Variants in KANK4 observed in about 807,000 individuals in gnomAD.
KANK4 encodes the protein KN motif and ankyrin repeat domain-containing protein 4.
KANK4 carries 50 observed loss-of-function variants against 80.8 expected under a neutral mutation model. The ratio of observed to expected loss-of-function variants is 0.62; its 90% confidence interval spans 0.49 to 0.78. The LOEUF (loss-of-function observed/expected upper bound fraction) is 0.78. KANK4 is among the 30% of genes least tolerant of loss of function. The pLI is 0.00. For missense variants in KANK4, 1,196 were observed against 1,240.1 expected, an observed-to-expected ratio of 0.96 and a Z score of 0.53; for synonymous variants, 465 against 506.9, an observed-to-expected ratio of 0.92 and a Z score of 1.11.
chr1:62,265,639 C>T (rs767969578), intron 6 of KANK4, among the ~76,000 whole-genome samples: 10 of 152,276 alleles, frequency 6.6e-5, no homozygotes, highest in Non-Finnish European at 1.3e-4. Context: ...ATGAATTGAT[C>T]GTTTTTACTT....
At chr1:62,308,237 G>A (rs974887121) in intron 1 of KANK4, among the ~76,000 whole-genome samples, 4 of 152,166 alleles carry the variant, frequency 2.6e-5, no homozygotes, top group Non-Finnish European at 5.9e-5. Context: ...CAGTGGGGAC[G>A]CACCTTCCCC....
At chr1:62,248,548 T>G (rs1435889653) in intron 8 of KANK4, among the ~76,000 whole-genome samples, 1 of 17,834 alleles carries the variant, frequency 5.6e-5, no homozygotes, top group Non-Finnish European at 1.0e-4. Flanking sequence ...AGTTTTTTTG[T>G]TTTTTTTTTT....
At chr1:62,286,223 T>C (rs1371893346) in intron 1 of KANK4, among the ~76,000 whole-genome samples, 1 of 152,234 alleles carries the variant, frequency 6.6e-6, no homozygotes, top group East Asian at 1.9e-4. Flanking sequence ...TCCTGCTGCA[T>C]AGCCCACAGC....
chr1:62,260,638 A>C (rs74076425), intron 7 of KANK4, among the ~76,000 whole-genome samples: 2,184 of 152,086 alleles, frequency 0.014, 47 homozygotes, highest in African/African-American at 0.05. Flanking sequence ...CATGCCCCTA[A>C]AGCAGCTGTC....
intron 1 of KANK4, among the ~76,000 whole-genome samples, chr1:62,313,206 A>T (rs1644511714): frequency 6.6e-6 from 1 of 152,222 alleles, no homozygotes; most frequent in Non-Finnish European, 1.5e-5. Flanking sequence ...GCATAGGAAA[A>T]AGCATAGTAT....
rs1571003369 is a variant in KANK4 at position 62,273,838 on chromosome 1, G to A, written c.1266C>T (p.Leu422=). 1 of 1,614,190 alleles carries A rather than the reference G, an allele frequency of 6.2e-7. No homozygotes were observed. The highest frequency in any genetic ancestry group is 8.5e-7 in the Non-Finnish European group (1 of 1,180,028). ...CCTTATCACACGACTCCCTGGTCAA[G>A]AGTCCATGGACAGGGTCAGTGTTCA... ...VMVNTDPVHG[L]LTRESCDKGI... Residue 422 remains leucine (L), a synonymous_variant, in exon 3 of 10, where the codon CTC becomes CTT. Transcript: ENST00000371153.
In KANK4 at chr1:62,251,320, T is replaced by C. The variant is rs139568725; in HGVS notation, c.2682+1747A>G. 6.8e-3 allele frequency among the ~76,000 whole-genome samples: 1,030 copies of C among 152,290 alleles called. 5 individuals carry two copies. Among genetic ancestry groups the C allele is most frequent in the Non-Finnish European group, 9.6e-3 (652 of 68,024 alleles). The stretch of plus-strand genomic sequence containing the variant: ...CTTTGTCTCGGGCACAGAAGTCTCA[T>C]GTCTTCTGCCAGCATCCACAAAACT... On this transcript the variant is annotated intron_variant, in intron 8 of 9. Transcript: ENST00000371153.
At chr1:62,269,996 G>T (rs747401719) in intron 4 of KANK4, among the ~76,000 whole-genome samples, 1 of 152,168 alleles carries the variant, frequency 6.6e-6, no homozygotes, top group Non-Finnish European at 1.5e-5. Flanking sequence ...TGTTTCCAGC[G>T]TGCAACCAAG....
chr1:62,279,239 CACAG>C (rs1417145071), intron 2 of KANK4, among the ~76,000 whole-genome samples: 4,837 of 76,810 alleles, frequency 0.063, 121 homozygotes, highest in African/African-American at 0.097. Flanking sequence ...CACACACACA[CACAG>C]AGTGATCCAT....
At chr1:62,295,976 C>G (rs1644360020) in intron 1 of KANK4, among the ~76,000 whole-genome samples, 1 of 152,126 alleles carries the variant, frequency 6.6e-6, no homozygotes, top group Admixed American at 6.5e-5. Flanking sequence ...GTCCTTTACC[C>G]ATCCTTACTC....
chr1:62,240,154 C>G (rs1671304247), intron 9 of KANK4, among the ~76,000 whole-genome samples: 2 of 152,246 alleles, frequency 1.3e-5, no homozygotes, highest in South Asian at 4.1e-4. Flanking sequence ...GTTCTTATTT[C>G]TCCACATCCT....
chr1:62,287,033 G>C (rs1427702292), intron 1 of KANK4, among the ~76,000 whole-genome samples: 5 of 152,234 alleles, frequency 3.3e-5, no homozygotes, highest in Non-Finnish European at 5.9e-5. Context: ...GCGCAGACCA[G>C]AGACTCCGAG....
intron 1 of KANK4, among the ~76,000 whole-genome samples, chr1:62,303,383 C>T (rs965250875): frequency 3.9e-5 from 6 of 151,996 alleles, no homozygotes; most frequent in East Asian, 1.9e-4. Context: ...GTATTTTCAA[C>T]ATCATGTCAT....
chr1:62,266,166 G>A (rs1434538817), intron 6 of KANK4, among the ~76,000 whole-genome samples: 1 of 152,178 alleles, frequency 6.6e-6, no homozygotes, highest in Non-Finnish European at 1.5e-5. Context: ...CATGGGAAGC[G>A]CCTCTGAGCC....
chr1:62,279,486 T>C (rs923239252), intron 2 of KANK4, among the ~76,000 whole-genome samples: 3 of 152,174 alleles, frequency 2.0e-5, no homozygotes, highest in African/African-American at 7.2e-5. Context: ...CAAAATGAAA[T>C]TCAGATCAAA....
Position 62,273,603 on chromosome 1 carries a change from T to A in KANK4, c.1501A>T (p.Ile501Phe). 1 of 1,614,114 alleles carries A rather than the reference T, an allele frequency of 6.2e-7. No individual in the cohort carries two copies. The highest frequency in any genetic ancestry group is 1.1e-5 in the South Asian group (1 of 91,086). Reference sequence around the variant, plus strand: ...TCCTGTTCAGTGCCTGCTTCTTCAATCCTGAGTTCAGTGGAGAGGAAGCTA... The same window carrying A: ...TCCTGTTCAGTGCCTGCTTCTTCAAACCTGAGTTCAGTGGAGAGGAAGCTA... ...VHSFLSTELR[I>F]EEAGTEQEGG... Residue 501 changes from isoleucine (I) to phenylalanine (F), a missense_variant, in exon 3 of 10, where the codon ATT becomes TTT. Ile to Phe is a conservative substitution (Grantham distance 21). This residue lies in a region of KANK4 where 1,154 missense variants were observed against 1,179.6 expected (regional missense o/e 0.98). Transcript: ENST00000371153.
At chr1:62,286,314 G>A (rs889288379) in intron 1 of KANK4, among the ~76,000 whole-genome samples, 5 of 152,224 alleles carry the variant, frequency 3.3e-5, no homozygotes, top group African/African-American at 9.6e-5. Flanking sequence ...CAGCACAGCT[G>A]TGTCTGTTTC....
Position 62,273,989 on chromosome 1 carries a change from T to C in KANK4, c.1115A>G (p.Gln372Arg), listed in dbSNP as rs1672239036. The change falls in exon 3 of 10, where the codon CAG becomes CGG. Residue 372 changes from glutamine (Q) to arginine (R), a missense_variant. Gln to Arg is a conservative substitution (Grantham distance 43, BLOSUM62 1). This residue lies in a region of KANK4 where 1,154 missense variants were observed against 1,179.6 expected (regional missense o/e 0.98). Transcript: ENST00000371153. ...ELAQVRTALQ[Q>R]QEEEIKAREQ... ...CCTAGCTTTGATTTCCTCTTCCTGCTGCTGGAGAGCAGTTCTGACCTGTGC... is the reference window on the plus strand; with the variant it reads ...CCTAGCTTTGATTTCCTCTTCCTGCCGCTGGAGAGCAGTTCTGACCTGTGC... 1 of 1,614,112 alleles carries C rather than the reference T, an allele frequency of 6.2e-7. No homozygotes were observed. Among genetic ancestry groups the C allele is most frequent in the Non-Finnish European group, 8.5e-7 (1 of 1,180,052 alleles).
rs574140966 is a variant in KANK4 at position 62,313,393 on chromosome 1, T to G, written c.-71+5713A>C. On this transcript the variant is annotated intron_variant, in intron 1 of 9. Transcript: ENST00000371153. ...TTACAAGAGCCCCAGGTCAGCACCA[T>G]TTTATTAATATAGACAAAGAAGCTG... Among the ~76,000 whole-genome samples, 62 of 152,284 alleles carry G rather than the reference T, an allele frequency of 4.1e-4. 1 individual carries two copies. The South Asian group carries it at 0.011, about 26-fold the overall frequency.
Sources: allele counts gnomAD v4.1 joint callset (sites outside exome capture counted in the v4.1 genomes callset), GRCh38; gene constraint gnomAD v4.1.1; regional missense constraint gnomAD v4.1.1; transcripts MANE v1.5; gene names NCBI Gene and HGNC (gene_info 2026-07-23, HGNC 2026-07-21).